ANKS1B: variants seen among roughly 807,000 people sequenced by gnomAD.
ANKS1B encodes ankyrin repeat and sterile alpha motif domain-containing protein 1B.
ANKS1B carries 36 observed loss-of-function variants against 148.3 expected under a neutral mutation model. The observed-to-expected ratio is 0.24, with a 90% CI of 0.19 to 0.32. The LOEUF is 0.32. Among genes scored for constraint, ANKS1B ranks in the 10% least tolerant of loss-of-function variants. The pLI, the probability that ANKS1B is intolerant of heterozygous loss-of-function variation, is 1.00. For synonymous variants in ANKS1B, 542 were observed against 560.8 expected (o/e 0.97, Z 0.47); for missense variants, 1,157 against 1,542.6 (o/e 0.75, Z 4.19).
intron 8 of ANKS1B, among the ~76,000 whole-genome samples, chr12:99,716,327 G>A (rs2057329781): frequency 6.6e-6 from 1 of 151,074 alleles, no homozygotes; most frequent in Non-Finnish European, 1.5e-5. Context: ...CCTTATTTTG[G>A]CGCCCCGACA....
At chr12:99,181,566 T>G (rs999119187) in intron 14 of ANKS1B, among the ~76,000 whole-genome samples, 1 of 152,200 alleles carries the variant, frequency 6.6e-6, no homozygotes, top group Non-Finnish European at 1.5e-5. Flanking sequence ...TAATATTGGC[T>G]AATTTGAAAT....
intron 9 of ANKS1B, among the ~76,000 whole-genome samples, chr12:99,643,501 T>C (rs879504294): frequency 1.3e-5 from 2 of 152,180 alleles, no homozygotes; most frequent in Admixed American, 6.5e-5. Context: ...CTGGGAATAA[T>C]CCTTTGGAGT....
intron 2 of ANKS1B, among the ~76,000 whole-genome samples, chr12:99,821,405 CTGTT>C (rs1565794855): frequency 6.6e-6 from 1 of 151,422 alleles, no homozygotes; most frequent in African/African-American, 2.4e-5. Flanking sequence ...ATCAAATTAT[CTGTT>C]TGTGAGAATC....
chr12:99,413,690 T>C (rs1052383997), intron 11 of ANKS1B, among the ~76,000 whole-genome samples: 1 of 152,224 alleles, frequency 6.6e-6, no homozygotes, highest in African/African-American at 2.4e-5. Context: ...CATTTTTATA[T>C]AGAGGTATCT....
intron 8 of ANKS1B, among the ~76,000 whole-genome samples, chr12:99,692,476 G>C (rs1402844407): frequency 3.9e-5 from 6 of 151,978 alleles, no homozygotes. Flanking sequence ...TTCAAGACCA[G>C]CCTGGGCAAC....
intron 9 of ANKS1B, among the ~76,000 whole-genome samples, chr12:99,646,580 G>C (rs1383388858): frequency 6.7e-6 from 1 of 148,794 alleles, no homozygotes; most frequent in East Asian, 2.0e-4. Context: ...CTTGAACCCA[G>C]GAGGCGGAGG....
chr12:99,216,547 A>G (rs1025973141), intron 14 of ANKS1B, among the ~76,000 whole-genome samples: 5 of 152,222 alleles, frequency 3.3e-5, no homozygotes, highest in African/African-American at 9.7e-5. Flanking sequence ...AAGCTTCAGT[A>G]TATAAAGTAG....
At chr12:99,616,749 A>G (rs774916788) in intron 9 of ANKS1B, among the ~76,000 whole-genome samples, 3 of 152,212 alleles carry the variant, frequency 2.0e-5, no homozygotes, top group Admixed American at 6.5e-5. Context: ...TTCATGACTA[A>G]AACACCAGAA....
At chr12:99,008,660 T>C (rs2099937566) in intron 17 of ANKS1B, among the ~76,000 whole-genome samples, 1 of 152,182 alleles carries the variant, frequency 6.6e-6, no homozygotes, top group Admixed American at 6.5e-5. Flanking sequence ...GAGTGTCATT[T>C]AGGTAGATAT....
intron 19 of ANKS1B, among the ~76,000 whole-genome samples, chr12:98,825,958 T>G (rs7960581): frequency 0.082 from 12,433 of 152,266 alleles, 550 homozygotes; most frequent in Non-Finnish European, 0.095. Context: ...CAAAGTACTT[T>G]GAGAATTTAA....
intron 17 of ANKS1B, among the ~76,000 whole-genome samples, chr12:99,026,155 T>C (rs1432965960): frequency 6.6e-6 from 1 of 152,214 alleles, no homozygotes; most frequent in East Asian, 1.9e-4. Flanking sequence ...CCTTGAAGTA[T>C]CTCCAGCTTT....
chr12:99,256,944 T>TA (rs889972348), intron 12 of ANKS1B, among the ~76,000 whole-genome samples: 6 of 152,134 alleles, frequency 3.9e-5, no homozygotes, highest in African/African-American at 1.4e-4. Flanking sequence ...CTACATTTTT[T>TA]AAAAAAATTA....
chr12:99,724,899 C>T (rs1406445033), intron 8 of ANKS1B, among the ~76,000 whole-genome samples: 1 of 152,104 alleles, frequency 6.6e-6, no homozygotes, highest in Non-Finnish European at 1.5e-5. Flanking sequence ...TCATATCCAG[C>T]CAAACTAAGC....
chr12:99,702,886 T>C (rs1876813480), intron 8 of ANKS1B, among the ~76,000 whole-genome samples: 1 of 152,092 alleles, frequency 6.6e-6, no homozygotes, highest in Admixed American at 6.6e-5. Flanking sequence ...TGTTTTCTTT[T>C]AGTAGTTTCA....
chr12:99,729,017 C>T (rs956403722), intron 8 of ANKS1B, among the ~76,000 whole-genome samples: 1 of 152,154 alleles, frequency 6.6e-6, no homozygotes, highest in African/African-American at 2.4e-5. Context: ...ATGTGAGTTG[C>T]TCTACTGCAG....
At chr12:99,195,334 CTT>C (rs905845803) in intron 14 of ANKS1B, among the ~76,000 whole-genome samples, 2 of 152,054 alleles carry the variant, frequency 1.3e-5, no homozygotes, top group African/African-American at 4.8e-5. Flanking sequence ...GAAAATCTAC[CTT>C]TTTGATGATT....
intron 9 of ANKS1B, among the ~76,000 whole-genome samples, chr12:99,595,888 T>C (rs1202501701): frequency 6.6e-6 from 1 of 151,928 alleles, no homozygotes; most frequent in Non-Finnish European, 1.5e-5. Flanking sequence ...AATTACAACC[T>C]AAGTTTTTGT....
At position 98,905,656 on chromosome 12, in the gene ANKS1B, C is replaced by T. The variant is rs1486228865; in HGVS notation, c.2779-73520G>A. 4.6e-5 allele frequency among the ~76,000 whole-genome samples: 7 copies of T among 151,992 alleles called. No homozygotes were observed. In the South Asian group the frequency reaches 1.5e-3, roughly 32 times the overall value. On this transcript the variant is annotated intron_variant, in intron 17 of 26. Coordinates refer to ENST00000683438, the MANE Select transcript of ANKS1B (RefSeq NM_001352186.2). The stretch of plus-strand genomic sequence containing the variant: ...GCATGGTGGTGCACACCTGTAGTCC[C>T]AGCTGTCCGGGAGGGTGAGGCAAGA...
chr12:99,507,980 T>A (rs983289306), intron 9 of ANKS1B, among the ~76,000 whole-genome samples: 3 of 151,946 alleles, frequency 2.0e-5, no homozygotes, highest in Non-Finnish European at 4.4e-5. Flanking sequence ...CTGAGCTTTG[T>A]GTTTTTAATT....
Sources: allele counts gnomAD v4.1 joint callset (sites outside exome capture counted in the v4.1 genomes callset), GRCh38; gene constraint gnomAD v4.1.1; transcripts MANE v1.5; gene names NCBI Gene and HGNC (gene_info 2026-07-23, HGNC 2026-07-21).